Variants in STAB2 observed in about 807,000 individuals in gnomAD.
STAB2 encodes the protein stabilin 2.
In STAB2, 288 loss-of-function variants were observed where a neutral mutation model predicts 338.1. That is an observed-to-expected ratio of 0.85 (90% CI 0.77 to 0.94). The LOEUF (loss-of-function observed/expected upper bound fraction) is 0.94. STAB2 is among the 40% of genes least tolerant of loss of function. The pLI is 0.00. For synonymous variants in STAB2, 1,202 were observed against 1,193.3 expected (o/e 1.01, Z -0.15); for missense variants, 3,141 against 3,210.1 (o/e 0.98, Z 0.52).
At chr12:103,676,339 A>G (rs1340561386) in intron 24 of STAB2, among the ~76,000 whole-genome samples, 4 of 151,222 alleles carry the variant, frequency 2.6e-5, no homozygotes, top group Non-Finnish European at 5.9e-5. Context: ...CTACAGGCCT[A>G]AGCCACCGCG....
chr12:103,680,401 A>G (rs1876792426), intron 25 of STAB2, among the ~76,000 whole-genome samples: 2 of 152,228 alleles, frequency 1.3e-5, no homozygotes, highest in Admixed American at 6.5e-5. Flanking sequence ...AGCTGCTGGT[A>G]CAACATGATT....
intron 3 of STAB2, among the ~76,000 whole-genome samples, chr12:103,620,114 T>C (rs1354882914): frequency 2.0e-5 from 3 of 152,218 alleles, no homozygotes; most frequent in Non-Finnish European, 4.4e-5. Context: ...TGTGAGACCT[T>C]GGGTGAGTAT....
intron 52 of STAB2, among the ~76,000 whole-genome samples, chr12:103,735,871 T>C (rs1186897317): frequency 6.6e-6 from 1 of 152,150 alleles, no homozygotes; most frequent in Non-Finnish European, 1.5e-5. Context: ...CATTTTCCAA[T>C]GTGAGATACT....
intron 3 of STAB2, among the ~76,000 whole-genome samples, chr12:103,614,280 C>G (rs1957175350): frequency 6.6e-6 from 1 of 152,150 alleles, no homozygotes; most frequent in Non-Finnish European, 1.5e-5. Context: ...TTGCCATTGA[C>G]AGAGGGCTGA....
At chr12:103,687,475 C>T (rs1342058996) in intron 27 of STAB2, among the ~76,000 whole-genome samples, 1 of 152,178 alleles carries the variant, frequency 6.6e-6, no homozygotes, top group East Asian at 1.9e-4. Flanking sequence ...CTTACATCCT[C>T]TTTCATATCT....
At chr12:103,766,087 G>A (rs1287987462) in intron 68 of STAB2, 199 bp from the exon 69 acceptor site, 1 of 712,944 alleles carries the variant, frequency 1.4e-6, no homozygotes, top group East Asian at 2.8e-5. Context: ...CTTCAAGCAG[G>A]AGAGACTAAA....
At position 103,620,553 on chromosome 12, in the gene STAB2, A is replaced by C. The variant is rs200497293; in HGVS notation, c.417A>C (p.Gln139His). The C allele has an allele frequency of 1.5e-5, 24 of 1,559,568 alleles. No individual in the cohort carries two copies. In the East Asian group the frequency reaches 5.8e-4, roughly 37 times the overall value. Reference sequence around the variant, plus strand: ...AAGGAAATGGAACCTGCTCCTGCCAAGTAAGTTCAAAAATGTGTTCTTCCT... The same window carrying C: ...AAGGAAATGGAACCTGCTCCTGCCACGTAAGTTCAAAAATGTGTTCTTCCT... ...GMEGNGTCSC[Q>H]EGFGGTACET... Residue 139 changes from glutamine to histidine, a missense_variant and splice_region_variant, in exon 4 of 69, where the codon CAA becomes CAC. Coordinates refer to ENST00000388887, the MANE Select transcript of STAB2 (RefSeq NM_017564.10).
intron 30 of STAB2, among the ~76,000 whole-genome samples, chr12:103,692,593 GTCTC>G (rs1030150858): frequency 6.7e-6 from 1 of 149,568 alleles, no homozygotes; most frequent in African/African-American, 2.5e-5. Flanking sequence ...CTCTCTCTCT[GTCTC>G]TGTGTGTGTG....
chr12:103,637,068 G>C, intron 6 of STAB2, 43 bp from the exon 7 acceptor site: 1 of 1,557,928 alleles, frequency 6.4e-7, no homozygotes, highest in South Asian at 1.2e-5. Context: ...TTAAGAACTG[G>C]TTATTCTACT....
chr12:103,648,863 C>T, intron 10 of STAB2, 40 bp downstream of exon 10: 2 of 1,602,108 alleles, frequency 1.2e-6, no homozygotes, highest in Non-Finnish European at 1.7e-6. Flanking sequence ...CAAAAGTCCT[C>T]TTTCAGGAAA....
intron 6 of STAB2, among the ~76,000 whole-genome samples, chr12:103,632,460 C>T (rs1957478380): frequency 6.6e-6 from 1 of 152,160 alleles, no homozygotes; most frequent in African/African-American, 2.4e-5. Flanking sequence ...AGCACTGGAC[C>T]ACAGTCACCT....
intron 34 of STAB2, among the ~76,000 whole-genome samples, chr12:103,701,830 A>T (rs1480530335): frequency 6.6e-6 from 1 of 152,142 alleles, no homozygotes; most frequent in African/African-American, 2.4e-5. Flanking sequence ...GGACTTTAAC[A>T]TTCAGTGGAA....
In STAB2 at chr12:103,728,870, G is replaced by T; in HGVS notation, c.4957G>T (p.Gly1653Cys). Residue 1653 changes from glycine (G) to cysteine (C), a missense_variant, in exon 48 of 69, where the codon GGT becomes TGT. Gly to Cys is a radical substitution (Grantham distance 159). Transcript: ENST00000388887. ...ACAGGTTAAAGACTGGGACAAATAC[G>T]GTTTAATGCCCCAGGTTCTTCGGTA... Reference protein sequence around the residue: ...EARVKDWDKYGLMPQVLRYHV... With the variant: ...EARVKDWDKYCLMPQVLRYHV... 1 of 1,613,918 alleles carries T rather than the reference G, an allele frequency of 6.2e-7. No homozygotes were observed. Among genetic ancestry groups the T allele is most frequent in the Non-Finnish European group, 8.5e-7 (1 of 1,179,860 alleles).
Position 103,652,690 on chromosome 12 carries a change from C to G in STAB2, c.1392C>G (p.Ile464Met). ...CCTTGACTGGAAAGTCGGGGGAAAT[C>G]TTCAACAGCGATAAGGTAAGGGTTC... ...FYTLTGKSGE[I>M]FNSDKDNQIK... Residue 464 changes from isoleucine (I) to methionine (M), a missense_variant, in exon 12 of 69, where the codon ATC becomes ATG. Coordinates refer to ENST00000388887, the MANE Select transcript of STAB2 (RefSeq NM_017564.10). 6.3e-7 allele frequency: 1 copy of G among 1,599,582 alleles called. No individual in the cohort carries two copies. The highest frequency in any genetic ancestry group is 1.2e-5 in the South Asian group (1 of 86,420).
intron 24 of STAB2, 37 bp downstream of exon 24, chr12:103,676,058 CTTTTTT>C (rs35874368): frequency 4.4e-4 from 291 of 668,856 alleles, no homozygotes; most frequent in Middle Eastern, 1.1e-3. Context: ...TGCCTGGTTT[CTTTTTT>C]TTTTTTTTTT....
chr12:103,637,379 C>T lies in STAB2; in HGVS notation c.709+143C>T, dbSNP rs989738509. ...TTGAGTGAAACGTATATAAAAGGTGCCAAGCAAAATGCTCAATAAATGGCA... is the reference window on the plus strand; with the variant it reads ...TTGAGTGAAACGTATATAAAAGGTGTCAAGCAAAATGCTCAATAAATGGCA... On this transcript the variant is annotated intron_variant, in intron 7 of 68. Transcript: ENST00000388887. 84 of 1,100,698 alleles carry T rather than the reference C, an allele frequency of 7.6e-5. No homozygotes were observed. The African/African-American group carries it at 1.3e-3, about 17-fold the overall frequency. 68.2% of individuals were successfully genotyped at this position (1,100,698 alleles called of 1,614,324 possible).
chr12:103,600,354 G>T (rs969116216), intron 3 of STAB2, among the ~76,000 whole-genome samples: 1 of 152,244 alleles, frequency 6.6e-6, no homozygotes, highest in Non-Finnish European at 1.5e-5. Context: ...TGTAAAGAAG[G>T]TGATCTCTTA....
At chr12:103,605,244 T>A (rs1957010202) in intron 3 of STAB2, among the ~76,000 whole-genome samples, 1 of 151,970 alleles carries the variant, frequency 6.6e-6, no homozygotes, top group African/African-American at 2.4e-5. Context: ...ATACCATGCT[T>A]AGAAGGAAAT....
chr12:103,668,137 C>G (rs767145704), intron 19 of STAB2, among the ~76,000 whole-genome samples: 2 of 152,170 alleles, frequency 1.3e-5, no homozygotes, highest in Non-Finnish European at 2.9e-5. Context: ...AACATGAGTT[C>G]TAGATAATTA....
Sources: gnomAD v4.1 joint callset for allele counts (sites outside exome capture counted in the v4.1 genomes callset) on GRCh38, gnomAD v4.1.1 for gene constraint, MANE v1.5 for transcripts, NCBI Gene and HGNC (gene_info 2026-07-23, HGNC 2026-07-21) for gene names.